VPS13A: variants seen among roughly 807,000 people sequenced by gnomAD.
VPS13A encodes intermembrane lipid transfer protein VPS13A.
In VPS13A, 264 loss-of-function variants were observed where a neutral mutation model predicts 390.9. The ratio of observed to expected loss-of-function variants is 0.68; its 90% confidence interval spans 0.61 to 0.75. VPS13A has a LOEUF of 0.75. Ranked by LOEUF, VPS13A falls within the 30% of genes least tolerant of loss-of-function variation. VPS13A has a pLI of 0.00. For missense variants in VPS13A, 3,409 were observed against 3,733.9 expected, an observed-to-expected ratio of 0.91 and a Z score of 2.27; for synonymous variants, 1,231 against 1,227.1, an observed-to-expected ratio of 1.00 and a Z score of -0.07.
At chr9:77,411,139 T>C (rs939192158) in intron 71 of VPS13A, among the ~76,000 whole-genome samples, 1 of 152,068 alleles carries the variant, frequency 6.6e-6, no homozygotes, top group African/African-American at 2.4e-5. Context: ...GAAACTCACT[T>C]AAAACCACTC....
At chr9:77,348,062 T>C (rs941497047) in intron 52 of VPS13A, among the ~76,000 whole-genome samples, 1 of 152,170 alleles carries the variant, frequency 6.6e-6, no homozygotes, top group African/African-American at 2.4e-5. Flanking sequence ...GAAGACAGTG[T>C]GGTGATTCCT....
intron 19 of VPS13A, among the ~76,000 whole-genome samples, chr9:77,243,953 A>G (rs1471147822): frequency 1.3e-5 from 2 of 152,180 alleles, no homozygotes; most frequent in African/African-American, 2.4e-5. Context: ...GAATGTAACA[A>G]GAGGCCAAGC....
intron 32 of VPS13A, among the ~76,000 whole-genome samples, chr9:77,294,185 C>A (rs979275785): frequency 6.6e-6 from 1 of 152,036 alleles, no homozygotes; most frequent in Non-Finnish European, 1.5e-5. Flanking sequence ...CCTCCCAAAG[C>A]GCTGAGATTA....
At chr9:77,205,717 G>C (rs1408376588) in intron 4 of VPS13A, among the ~76,000 whole-genome samples, 3 of 151,858 alleles carry the variant, frequency 2.0e-5, no homozygotes, top group Admixed American at 6.6e-5. Context: ...TCAGCCTCCT[G>C]AGTAGCTGGG....
Position 77,221,353 on chromosome 9 carries a change from G to A in VPS13A, c.1158G>A (p.Leu386=), listed in dbSNP as rs143574886. Residue 386 remains leucine (L), a synonymous_variant, in exon 13 of 72, where the codon TTG becomes TTA. Coordinates refer to ENST00000360280, the MANE Select transcript of VPS13A (RefSeq NM_033305.3). ...KKPPGELLVS[L]EELEKTLDVF... The stretch of plus-strand genomic sequence containing the variant: ...CACCTGGTGAACTTCTCGTGTCTTT[G>A]GAGGTTAGCATTTAAAATGAAATTG... 3.0e-5 allele frequency: 49 copies of A among 1,612,358 alleles called. No homozygotes were observed. In the African/African-American group the frequency reaches 5.9e-4, roughly 19 times the overall value.
At chr9:77,297,549 T>C (rs1828088170) in intron 33 of VPS13A, among the ~76,000 whole-genome samples, 1 of 151,960 alleles carries the variant, frequency 6.6e-6, no homozygotes, top group Non-Finnish European at 1.5e-5. Context: ...TTGAAAACTA[T>C]TTTTAAGTCA....
chr9:77,360,033 A>G (rs779040360), intron 58 of VPS13A, among the ~76,000 whole-genome samples: 13 of 152,156 alleles, frequency 8.5e-5, no homozygotes, highest in Non-Finnish European at 1.5e-4. Context: ...TGAAACATCT[A>G]TGTAATAATC....
At chr9:77,346,575 C>T (rs746813597) in intron 52 of VPS13A, among the ~76,000 whole-genome samples, 16 of 152,158 alleles carry the variant, frequency 1.1e-4, no homozygotes, top group Non-Finnish European at 2.1e-4. Flanking sequence ...CTTTTGGGTT[C>T]TTGGTCATGA....
intron 44 of VPS13A, 136 bp downstream of exon 44, chr9:77,321,882 T>G: frequency 9.7e-7 from 1 of 1,030,350 alleles, no homozygotes; most frequent in South Asian, 1.6e-5. Flanking sequence ...TCCTTTCTAA[T>G]AGGTCAAGAA....
rs920238418 is a variant in VPS13A, at chr9:77,417,986, A to G, written c.*1980A>G. ...GACCCACAGTTTTAAGAGCTACATC[A>G]TATCATTTGTTGTTTTAGAAGATTG... On this transcript the variant is annotated 3_prime_UTR_variant, in exon 72 of 72. Transcript: ENST00000360280. The G allele has an allele frequency of 2.6e-5, 4 of 152,298 alleles. No individual in the cohort carries two copies. The highest frequency in any genetic ancestry group is 1.9e-4 in the East Asian group (1 of 5,186). 9.4% of individuals were successfully genotyped at this position (152,298 alleles called of 1,614,324 possible). A position where few individuals can be genotyped will look rare whatever the true frequency, so the allele number is the denominator to read the frequency against.
rs1554859893 is a variant in VPS13A, at chr9:77,207,213, T to TTTTATA, written c.385+1135_385+1136insTTATAT. Among the ~76,000 whole-genome samples, 45 of 43,126 alleles carry TTTTATA rather than the reference T, an allele frequency of 1.0e-3. 1 individual carries two copies. The highest frequency in any genetic ancestry group is 1.9e-3 in the African/African-American group (32 of 16,898). The allele number at this position is 43,126 out of a possible 152,430, so 28.3% of individuals were successfully genotyped here. A position where few individuals can be genotyped will look rare whatever the true frequency, so the allele number is the denominator to read the frequency against. Reference sequence around the variant, plus strand: ...CTCTGTGTCTTGATTTATTTAGATATTATATATATATATATATATATATAT... The same window carrying TTTTATA: ...CTCTGTGTCTTGATTTATTTAGATATTTTATATATATATATATATATATATATATAT... On this transcript the variant is annotated intron_variant, in intron 5 of 71. Coordinates refer to ENST00000360280, the MANE Select transcript of VPS13A (RefSeq NM_033305.3).
chr9:77,194,129 G>A (rs935691736), intron 1 of VPS13A, among the ~76,000 whole-genome samples: 1 of 152,140 alleles, frequency 6.6e-6, no homozygotes, highest in African/African-American at 2.4e-5. Context: ...TGGAAAAGCC[G>A]TCGGGGGAGG....
chr9:77,274,873 C>T (rs1216831797), intron 24 of VPS13A, among the ~76,000 whole-genome samples: 1 of 152,036 alleles, frequency 6.6e-6, no homozygotes, highest in Non-Finnish European at 1.5e-5. Flanking sequence ...GGATATACTT[C>T]TGATTGTTTC....
intron 19 of VPS13A, among the ~76,000 whole-genome samples, chr9:77,240,907 T>C (rs148847876): frequency 6.6e-6 from 1 of 152,212 alleles, no homozygotes; most frequent in Non-Finnish European, 1.5e-5. Flanking sequence ...TCAGTGTGTC[T>C]GCTGTTTTTT....
intron 22 of VPS13A, among the ~76,000 whole-genome samples, chr9:77,259,324 A>C (rs1300927966): frequency 6.6e-6 from 1 of 152,170 alleles, no homozygotes; most frequent in Non-Finnish European, 1.5e-5. Flanking sequence ...GCATTAAGAG[A>C]ACCGATTCAT....
intron 67 of VPS13A, among the ~76,000 whole-genome samples, chr9:77,379,339 C>A (rs1833303466): frequency 6.6e-6 from 1 of 151,758 alleles, no homozygotes; most frequent in Non-Finnish European, 1.5e-5. Flanking sequence ...CTCCCAAGTT[C>A]AAGCTATTCT....
Position 77,415,951 on chromosome 9 carries a change from C to T in VPS13A, c.9475-5C>T, listed in dbSNP as rs536300138. The T allele has an allele frequency of 6.8e-5, 109 of 1,613,102 alleles. No homozygotes were observed. Among genetic ancestry groups the T allele is most frequent in the South Asian group, 1.9e-4 (17 of 91,062 alleles). ...AGCAAATGTTCATTTATTTTCCCAC[C>T]GCAGTGGATCCTCACAAAGCTACAA... On this transcript the variant is annotated splice_polypyrimidine_tract_variant and splice_region_variant and intron_variant, in intron 71 of 71. Coordinates refer to ENST00000360280, the MANE Select transcript of VPS13A (RefSeq NM_033305.3).
chr9:77,233,141 T>C (rs1232270082), intron 17 of VPS13A, among the ~76,000 whole-genome samples: 1 of 152,120 alleles, frequency 6.6e-6, no homozygotes, highest in Non-Finnish European at 1.5e-5. Context: ...CGAGGCAGTT[T>C]TTGTAATTTA....
chr9:77,294,038 A>C (rs1827831436), intron 32 of VPS13A, among the ~76,000 whole-genome samples: 1 of 152,004 alleles, frequency 6.6e-6, no homozygotes, highest in African/African-American at 2.4e-5. Context: ...TGAGTAGCTG[A>C]GACTACAGGC....
Sources: gnomAD v4.1 joint callset for allele counts (sites outside exome capture counted in the v4.1 genomes callset) on GRCh38, gnomAD v4.1.1 for gene constraint, MANE v1.5 for transcripts, NCBI Gene and HGNC (gene_info 2026-07-23, HGNC 2026-07-21) for gene names.